Variants in DTNA observed in about 807,000 individuals in gnomAD.
DTNA encodes dystrobrevin alpha, also known as dystrophin-related protein 3.
Under a neutral mutation model 100.7 loss-of-function variants are expected in DTNA, and 43 were observed. The observed-to-expected ratio is 0.43, with a 90% CI of 0.33 to 0.55. The LOEUF (loss-of-function observed/expected upper bound fraction) is 0.55, where lower values mean the gene tolerates loss of function less well. DTNA is among the 20% of genes least tolerant of loss of function. The pLI is 0.04. For missense variants in DTNA, 798 were observed against 953.9 expected (o/e 0.84, Z 2.15); for synonymous variants, 349 against 347.9 (o/e 1.00, Z -0.04).
chr18:34,732,135 A>G (rs1568348616), intron 1 of DTNA, among the ~76,000 whole-genome samples: 1 of 152,208 alleles, frequency 6.6e-6, no homozygotes, highest in East Asian at 1.9e-4. Flanking sequence ...CACCATGATC[A>G]TTACATTTTC....
At position 34,595,001 on chromosome 18, in the gene DTNA, A is replaced by T. The variant is rs111759228; in HGVS notation, c.-2+101487A>T. Among the ~76,000 whole-genome samples the T allele has an allele frequency of 1.5e-4, 23 of 152,384 alleles. 1 individual carries two copies. The highest frequency in any genetic ancestry group is 5.5e-4 in the African/African-American group (23 of 41,594). On this transcript the variant is annotated intron_variant, in intron 1 of 19. Coordinates refer to the DTNA transcript ENST00000283365. ...TATCTGACCTTGTGACAGTTTAGAC[A>T]ATTTGTTAAATGATAGTTAACCTTG...
chr18:34,870,033 A>G (rs2096749691), intron 17 of DTNA, among the ~76,000 whole-genome samples: 2 of 152,168 alleles, frequency 1.3e-5, no homozygotes, highest in Non-Finnish European at 2.9e-5. Flanking sequence ...CTCAAAAAAA[A>G]GGGGGTAAAA....
intron 1 of DTNA, among the ~76,000 whole-genome samples, chr18:34,635,480 T>C (rs1006612532): frequency 6.6e-6 from 1 of 152,240 alleles, no homozygotes; most frequent in African/African-American, 2.4e-5. Flanking sequence ...GAACATGTGA[T>C]TGTTTCTTAA....
intron 1 of DTNA, among the ~76,000 whole-genome samples, chr18:34,584,240 T>G (rs932565466): frequency 2.0e-5 from 3 of 150,628 alleles, no homozygotes; most frequent in African/African-American, 7.4e-5. Context: ...CATAATACAT[T>G]GCTTGAGCAG....
intron 4 of DTNA, among the ~76,000 whole-genome samples, chr18:34,799,103 A>G (rs1184243706): frequency 2.0e-5 from 3 of 152,156 alleles, no homozygotes; most frequent in African/African-American, 7.2e-5. Flanking sequence ...TGTATGTGGA[A>G]GAAATATTTG....
At chr18:34,698,124 TC>T (rs935852619) in intron 1 of DTNA, among the ~76,000 whole-genome samples, 1 of 152,170 alleles carries the variant, frequency 6.6e-6, no homozygotes, top group African/African-American at 2.4e-5. Context: ...TCTCCACTCG[TC>T]CTGTGCCCAG....
At chr18:34,790,851 A>G (rs919450492) in intron 3 of DTNA, among the ~76,000 whole-genome samples, 2 of 152,174 alleles carry the variant, frequency 1.3e-5, no homozygotes, top group African/African-American at 4.8e-5. Flanking sequence ...GGTGGTGGCA[A>G]TAAAGGTTCA....
intron 16 of DTNA, among the ~76,000 whole-genome samples, chr18:34,858,680 C>T (rs898265210): frequency 6.6e-6 from 1 of 152,190 alleles, no homozygotes; most frequent in South Asian, 2.1e-4. Context: ...GGCACGATCT[C>T]GGTTCACTGC....
intron 1 of DTNA, among the ~76,000 whole-genome samples, chr18:34,578,570 G>T (rs575256373): frequency 6.6e-6 from 1 of 151,612 alleles, no homozygotes; most frequent in South Asian, 2.1e-4. Context: ...GGGTTTTTTT[G>T]ATGTTATCTT....
chr18:34,790,343 G>GAGAC lies in DTNA; in HGVS notation c.149-3694_149-3693insAGAC, dbSNP rs1259282950. Among the ~76,000 whole-genome samples the GAGAC allele has an allele frequency of 1.3e-3, 157 of 117,406 alleles. 1 individual carries two copies. The highest frequency in any genetic ancestry group is 2.2e-3 in the African/African-American group (62 of 28,682). 77.0% of individuals were successfully genotyped at this position (117,406 alleles called of 152,430 possible). The stretch of plus-strand genomic sequence containing the variant: ...CAGAGCTCTAAGGTGGTGCATGCAA[G>GAGAC]GGGTATAAAACCCGGAGACAGGGTT... On this transcript the variant is annotated intron_variant, in intron 3 of 22. Coordinates refer to ENST00000444659, the MANE Select transcript of DTNA (RefSeq NM_001386795.1).
At chr18:34,607,101 G>A (rs2053284258) in intron 1 of DTNA, among the ~76,000 whole-genome samples, 1 of 152,062 alleles carries the variant, frequency 6.6e-6, no homozygotes, top group Admixed American at 6.5e-5. Flanking sequence ...ACTTCATAAT[G>A]AATCTTTGTT....
intron 1 of DTNA, among the ~76,000 whole-genome samples, chr18:34,566,737 C>T (rs1298266663): frequency 1.3e-5 from 2 of 152,124 alleles, no homozygotes; most frequent in Non-Finnish European, 2.9e-5. Context: ...AGCATGTTCT[C>T]CAGGGATCCT....
intron 1 of DTNA, among the ~76,000 whole-genome samples, chr18:34,535,641 C>T (rs980035943): frequency 6.6e-6 from 1 of 152,080 alleles, no homozygotes; most frequent in East Asian, 1.9e-4. Flanking sequence ...ATGTTTAAGT[C>T]TTTAATTCAT....
In DTNA at chr18:34,686,113, A is replaced by G. The variant is rs143305683; in HGVS notation, c.-1-69863A>G. Reference sequence around the variant, plus strand: ...AGATAATTTGACTTCCTGTCTTCCTATTTGAATACCCTTCATTTCTTTCTC... The same window carrying G: ...AGATAATTTGACTTCCTGTCTTCCTGTTTGAATACCCTTCATTTCTTTCTC... On this transcript the variant is annotated intron_variant, in intron 1 of 19. Transcript: ENST00000283365. Among the ~76,000 whole-genome samples, 447 of 152,260 alleles carry G rather than the reference A, an allele frequency of 2.9e-3. 2 individuals carry two copies. The highest frequency in any genetic ancestry group is 0.01 in the African/African-American group (417 of 41,532).
intron 1 of DTNA, among the ~76,000 whole-genome samples, chr18:34,616,266 A>G (rs559968230): frequency 4.6e-5 from 7 of 152,212 alleles, no homozygotes; most frequent in East Asian, 3.8e-4. Flanking sequence ...CCCTTGAGGA[A>G]AACCTAGGAA....
chr18:34,677,550 A>G (rs1038021578), intron 1 of DTNA, among the ~76,000 whole-genome samples: 3 of 152,186 alleles, frequency 2.0e-5, no homozygotes, highest in Admixed American at 1.3e-4. Flanking sequence ...AGGTGAAAAT[A>G]TAATACTTTA....
chr18:34,696,539 C>T (rs1029354383), intron 1 of DTNA, among the ~76,000 whole-genome samples: 1 of 152,126 alleles, frequency 6.6e-6, no homozygotes, highest in Non-Finnish European at 1.5e-5. Context: ...GATTGAGCCA[C>T]TGCACTCCAG....
intron 4 of DTNA, among the ~76,000 whole-genome samples, chr18:34,797,824 A>G (rs934410624): frequency 8.5e-5 from 13 of 152,178 alleles, no homozygotes; most frequent in African/African-American, 3.1e-4. Flanking sequence ...TGATTCTGCT[A>G]TTGTCTTATA....
chr18:34,823,413 C>T (rs529236253), intron 9 of DTNA, among the ~76,000 whole-genome samples: 2 of 152,284 alleles, frequency 1.3e-5, no homozygotes, highest in South Asian at 4.1e-4. Context: ...TTATACAGTG[C>T]TGTACAATGG....
Sources: allele counts gnomAD v4.1 joint callset (sites outside exome capture counted in the v4.1 genomes callset), GRCh38; gene constraint gnomAD v4.1.1; transcripts MANE v1.5; gene names NCBI Gene and HGNC (gene_info 2026-07-23, HGNC 2026-07-21).